FRYL: variants seen among roughly 807,000 people sequenced by gnomAD.
The protein encoded by FRYL is FRY like transcription coactivator.
Under a neutral mutation model 351.2 loss-of-function variants are expected in FRYL, and 150 were observed. The observed-to-expected ratio is 0.43, with a 90% CI of 0.37 to 0.49. FRYL has a LOEUF of 0.49. Ranked by LOEUF, FRYL falls within the 20% of genes least tolerant of loss-of-function variation. The probability of loss-of-function intolerance (pLI) is 0.00; values close to 1 mark genes in which losing one functional copy is unlikely to be tolerated. For synonymous variants in FRYL, 1,153 were observed against 1,257.1 expected (o/e 0.92, Z 1.75); for missense variants, 3,036 against 3,619.3 (o/e 0.84, Z 4.13).
In FRYL at chr4:48,658,951, A is replaced by T. The variant is rs181952998; in HGVS notation, c.-80-24461T>A. ...CTAACAGTAACTACCTATAGCATTGACTAACTTCTTGATATACTTACTTCT... is the reference window on the plus strand; with the variant it reads ...CTAACAGTAACTACCTATAGCATTGTCTAACTTCTTGATATACTTACTTCT... On this transcript the variant is annotated intron_variant, in intron 3 of 63. Coordinates refer to ENST00000358350, the MANE Select transcript of FRYL (RefSeq NM_015030.2). Among the ~76,000 whole-genome samples, 601 of 152,280 alleles carry T rather than the reference A, an allele frequency of 3.9e-3. 3 individuals are homozygous for T. Among genetic ancestry groups the T allele is most frequent in the Non-Finnish European group, 7.2e-3 (488 of 68,006 alleles).
intron 1 of FRYL, among the ~76,000 whole-genome samples, chr4:48,746,402 G>A (rs766657814): frequency 1.3e-5 from 2 of 151,864 alleles, no homozygotes; most frequent in Non-Finnish European, 2.9e-5. Context: ...AAAATTAGCC[G>A]GGCATGGTGG....
At position 48,645,124 on chromosome 4, in the gene FRYL, TTATATATATATATATATA is replaced by T. The variant is rs36223183; in HGVS notation, c.-80-10652_-80-10635del. Among the ~76,000 whole-genome samples the T allele has an allele frequency of 4.3e-3, 451 of 105,476 alleles. 24 individuals are homozygous for T. The highest frequency in any genetic ancestry group is 0.013 in the African/African-American group (412 of 32,510). The allele number at this position is 105,476 out of a possible 152,430, so 69.2% of individuals were successfully genotyped here. ...ATTAAACCAGCAGTGAGCTTTCATT[TTATATATATATATATATA>T]TATATATATATATCAGACTGGCAAA... On this transcript the variant is annotated intron_variant, in intron 3 of 63. Coordinates refer to ENST00000358350, the MANE Select transcript of FRYL (RefSeq NM_015030.2).
chr4:48,730,096 T>A (rs1770559531), intron 1 of FRYL, among the ~76,000 whole-genome samples: 1 of 151,988 alleles, frequency 6.6e-6, no homozygotes, highest in Non-Finnish European at 1.5e-5. Flanking sequence ...TACACAAGCT[T>A]CAATAGCTGA....
At position 48,773,320 on chromosome 4, in the gene FRYL, C is replaced by T. The variant is rs562632015; in HGVS notation, c.-384+6758G>A. ...TATTAAGGGTCTACCAAGTCACTAG[C>T]AATATGCAAGAGTAATGCAAATCCA... On this transcript the variant is annotated intron_variant, in intron 1 of 63. Coordinates refer to ENST00000358350, the MANE Select transcript of FRYL (RefSeq NM_015030.2). 4.6e-5 allele frequency among the ~76,000 whole-genome samples: 7 copies of T among 152,246 alleles called. No homozygotes were observed. The South Asian group carries it at 1.5e-3, about 32-fold the overall frequency.
chr4:48,667,436 T>C (rs1035545445), intron 3 of FRYL, among the ~76,000 whole-genome samples: 15 of 141,728 alleles, frequency 1.1e-4, no homozygotes, highest in Non-Finnish European at 1.6e-4. Flanking sequence ...ACCCCCTCGC[T>C]TTTTTTTTTT....
intron 3 of FRYL, among the ~76,000 whole-genome samples, chr4:48,669,921 AT>A (rs56756869): frequency 1.1e-3 from 168 of 149,634 alleles, no homozygotes; most frequent in South Asian, 3.4e-3. Flanking sequence ...TTTACTGTCA[AT>A]TTTTTTTTTA....
intron 47 of FRYL, among the ~76,000 whole-genome samples, chr4:48,538,644 A>T (rs1285175387): frequency 1.3e-5 from 2 of 151,942 alleles, no homozygotes; most frequent in African/African-American, 4.8e-5. Flanking sequence ...CCCAGCTTTT[A>T]AAAAAAATTG....
At chr4:48,778,554 A>T (rs1303582193) in intron 1 of FRYL, among the ~76,000 whole-genome samples, 1 of 152,244 alleles carries the variant, frequency 6.6e-6, no homozygotes, top group Non-Finnish European at 1.5e-5. Flanking sequence ...GCACAAGAAG[A>T]AACTGTCAAA....
chr4:48,657,222 G>A (rs1398207279), intron 3 of FRYL, among the ~76,000 whole-genome samples: 1 of 152,114 alleles, frequency 6.6e-6, no homozygotes, highest in Non-Finnish European at 1.5e-5. Context: ...CCAGGCAGGA[G>A]TGCAGTAGCA....
intron 1 of FRYL, among the ~76,000 whole-genome samples, chr4:48,758,527 T>C (rs1182836984): frequency 6.6e-6 from 1 of 152,104 alleles, no homozygotes; most frequent in African/African-American, 2.4e-5. Flanking sequence ...AAAACCACAA[T>C]GAGATACCAT....
intron 2 of FRYL, among the ~76,000 whole-genome samples, chr4:48,690,149 C>G (rs918230515): frequency 1.3e-5 from 2 of 151,880 alleles, no homozygotes; most frequent in African/African-American, 4.8e-5. Flanking sequence ...TCGTGATCTG[C>G]CTGCCTCGGC....
chr4:48,572,070 T>C (rs1483629215), intron 26 of FRYL: 1 of 844,718 alleles, frequency 1.2e-6, no homozygotes, highest in Non-Finnish European at 1.4e-6. Context: ...AATGAGGAAT[T>C]GCAGATGATG....
intron 1 of FRYL, among the ~76,000 whole-genome samples, chr4:48,769,702 A>C (rs1238780723): frequency 1.3e-5 from 2 of 152,236 alleles, no homozygotes; most frequent in Non-Finnish European, 2.9e-5. Flanking sequence ...GAAGAGTTAA[A>C]CTATGTACTC....
At chr4:48,727,766 A>G (rs1172230505) in intron 1 of FRYL, among the ~76,000 whole-genome samples, 1 of 152,102 alleles carries the variant, frequency 6.6e-6, no homozygotes, top group East Asian at 1.9e-4. Context: ...ACTACCCCTA[A>G]CTAACTTGGG....
At chr4:48,660,970 A>C (rs1760588145) in intron 3 of FRYL, among the ~76,000 whole-genome samples, 2 of 152,220 alleles carry the variant, frequency 1.3e-5, no homozygotes, top group African/African-American at 4.8e-5. Flanking sequence ...CTGAATGTAA[A>C]GTGGTTTCTT....
chr4:48,775,785 CTG>C (rs568078616), intron 1 of FRYL, among the ~76,000 whole-genome samples: 2 of 152,144 alleles, frequency 1.3e-5, no homozygotes, highest in South Asian at 2.1e-4. Flanking sequence ...GGCAGATAAA[CTG>C]TTCAGGCACA....
In FRYL at chr4:48,593,926, T is replaced by A; in HGVS notation, c.1335+4A>T. 1 of 1,293,192 alleles carries A rather than the reference T, an allele frequency of 7.7e-7. No homozygotes were observed. Among genetic ancestry groups the A allele is most frequent in the Non-Finnish European group, 1.0e-6 (1 of 967,538 alleles). 80.1% of individuals were successfully genotyped at this position (1,293,192 alleles called of 1,614,324 possible). On this transcript the variant is annotated splice_donor_region_variant and intron_variant, in intron 16 of 63. Transcript: ENST00000358350. ...TTTATATTATTACATTATAATTTTT[T>A]TACCTCTGGATTAATGGTGAAAGTT...
chr4:48,771,769 C>T (rs1429100949), intron 1 of FRYL, among the ~76,000 whole-genome samples: 2 of 111,294 alleles, frequency 1.8e-5, no homozygotes, highest in Non-Finnish European at 3.9e-5. Context: ...GTTCCTCACC[C>T]AGAAGAACAT....
chr4:48,720,734 T>C (rs1371176311), intron 1 of FRYL, among the ~76,000 whole-genome samples: 1 of 152,172 alleles, frequency 6.6e-6, no homozygotes, highest in African/African-American at 2.4e-5. Context: ...GTAAGTAAAA[T>C]CAGACAATAT....
Sources: gnomAD v4.1 joint callset for allele counts (sites outside exome capture counted in the v4.1 genomes callset) on GRCh38, gnomAD v4.1.1 for gene constraint, MANE v1.5 for transcripts, NCBI Gene and HGNC (gene_info 2026-07-23, HGNC 2026-07-21) for gene names.